Variants in COL15A1 observed in about 807,000 individuals in gnomAD.
The protein encoded by COL15A1 is collagen type XV alpha 1 chain.
COL15A1 carries 111 observed loss-of-function variants against 165.9 expected under a neutral mutation model. The observed-to-expected ratio is 0.67, with a 90% CI of 0.57 to 0.78. The LOEUF (loss-of-function observed/expected upper bound fraction) is 0.78. Among genes scored for constraint, COL15A1 ranks in the 30% least tolerant of loss-of-function variants. The pLI, the probability that COL15A1 is intolerant of heterozygous loss-of-function variation, is 0.00. For missense variants in COL15A1, 1,745 were observed against 1,789.7 expected, an observed-to-expected ratio of 0.98 and a Z score of 0.45; for synonymous variants, 659 against 674.8, an observed-to-expected ratio of 0.98 and a Z score of 0.36.
intron 2 of COL15A1, among the ~76,000 whole-genome samples, chr9:98,964,212 C>T (rs538949925): frequency 1.6e-4 from 25 of 151,562 alleles, no homozygotes; most frequent in African/African-American, 4.1e-4. Flanking sequence ...CCTCCCACCC[C>T]CCCATTCTTG....
chr9:99,030,151 G>C (rs1839194201), intron 16 of COL15A1, among the ~76,000 whole-genome samples: 1 of 152,196 alleles, frequency 6.6e-6, no homozygotes, highest in African/African-American at 2.4e-5. Context: ...ATTCACCACA[G>C]TAAGCCAACA....
In COL15A1 at chr9:99,062,071, G is replaced by A. The variant is rs200568959; in HGVS notation, c.3503G>A (p.Arg1168His). 3.2e-5 allele frequency: 52 copies of A among 1,614,044 alleles called. No homozygotes were observed. The highest frequency in any genetic ancestry group is 1.8e-4 in the East Asian group (8 of 44,886). Reference sequence around the variant, plus strand: ...AGGGACAGCACTGAGTTTTTCATTCGTGTTAGAGATGGCTGGAAAAAATTA... The same window carrying A: ...AGGGACAGCACTGAGTTTTTCATTCATGTTAGAGATGGCTGGAAAAAATTA... ...YLRDSTEFFI[R>H]VRDGWKKLQL... The change falls in exon 37 of 42, where the codon CGT becomes CAT. Residue 1168 changes from arginine to histidine, a missense_variant. Transcript: ENST00000375001.
Position 99,063,042 on chromosome 9 carries a change from C to T in COL15A1, c.3592-8C>T, listed in dbSNP as rs1825840791. 1 of 1,595,710 alleles carries T rather than the reference C, an allele frequency of 6.3e-7. No homozygotes were observed. Among genetic ancestry groups the T allele is most frequent in the South Asian group, 1.1e-5 (1 of 86,960 alleles). On this transcript the variant is annotated splice_polypyrimidine_tract_variant and splice_region_variant and intron_variant, in intron 38 of 41. Transcript: ENST00000375001. The stretch of plus-strand genomic sequence containing the variant: ...CAGAACTGTTTCTTTTCCTCCTTTT[C>T]ATAACAGCCACATCAGCTTCTGCCT...
intron 38 of COL15A1, among the ~76,000 whole-genome samples, chr9:99,062,568 C>T (rs542339939): frequency 1.3e-5 from 2 of 152,304 alleles, no homozygotes; most frequent in African/African-American, 2.4e-5. Flanking sequence ...CTATCTTGGC[C>T]TCAGTTTGTT....
chr9:98,981,406 G>A (rs538761732), intron 2 of COL15A1, among the ~76,000 whole-genome samples: 52 of 152,218 alleles, frequency 3.4e-4, no homozygotes, highest in East Asian at 3.9e-4. Context: ...GCAGTGAGCC[G>A]AGATTGTGCC....
chr9:99,037,037 T>C (rs1295264823), intron 21 of COL15A1, among the ~76,000 whole-genome samples: 1 of 152,212 alleles, frequency 6.6e-6, no homozygotes, highest in Non-Finnish European at 1.5e-5. Context: ...CTTTATGTGC[T>C]CCCTTTAGAT....
chr9:99,054,498 A>C, intron 31 of COL15A1, 78 bp from the exon 32 acceptor site: 1 of 1,465,070 alleles, frequency 6.8e-7, no homozygotes, highest in South Asian at 1.4e-5. Flanking sequence ...CTTAGTTTGA[A>C]AACCTGTCTC....
chr9:99,035,858 G>A (rs114649461), intron 19 of COL15A1, among the ~76,000 whole-genome samples: 9 of 152,100 alleles, frequency 5.9e-5, no homozygotes, highest in Admixed American at 2.6e-4. Flanking sequence ...AAGCGATGCC[G>A]GCTCTCAGGA....
At chr9:99,013,824 T>C (rs7034847) in intron 9 of COL15A1, among the ~76,000 whole-genome samples, 16,305 of 152,156 alleles carry the variant, frequency 0.11, 1,036 homozygotes, top group East Asian at 0.25. Context: ...TCTGAATACT[T>C]TAAGGGGTTT....
intron 2 of COL15A1, among the ~76,000 whole-genome samples, chr9:98,975,552 A>T (rs955066199): frequency 6.6e-6 from 1 of 152,216 alleles, no homozygotes; most frequent in African/African-American, 2.4e-5. Context: ...TTGTTTCTTC[A>T]TGGCTGGGAT....
chr9:99,020,356 T>A (rs376526243), intron 11 of COL15A1, 33 bp from the exon 12 acceptor site: 4 of 1,562,088 alleles, frequency 2.6e-6, no homozygotes, highest in Non-Finnish European at 3.5e-6. Context: ...AAATATGTTG[T>A]GGCCACGTTT....
At chr9:98,996,635 C>T (rs956454258) in intron 5 of COL15A1, among the ~76,000 whole-genome samples, 43 of 152,218 alleles carry the variant, frequency 2.8e-4, no homozygotes, top group African/African-American at 1.0e-3. Context: ...CTGGGCACCT[C>T]CTCTGGCTGA....
chr9:98,948,394 T>C (rs552193056), intron 2 of COL15A1, among the ~76,000 whole-genome samples: 3 of 152,082 alleles, frequency 2.0e-5, no homozygotes, highest in Admixed American at 6.5e-5. Flanking sequence ...GTCAGGAGAT[T>C]GAGACCATCC....
Position 99,035,361 on chromosome 9 carries a change from C to T in COL15A1, c.2232C>T (p.Gly744=), listed in dbSNP as rs147208600. The change falls in exon 19 of 42, where the codon GGC becomes GGT. Residue 744 remains glycine (G), a synonymous_variant. Coordinates refer to ENST00000375001, the MANE Select transcript of COL15A1 (RefSeq NM_001855.5). The part of the protein sequence containing the change: ...TMGLGFEDTE[G]SGSTQLLNEP... ...TGCTCCTTCCCCAGGATACCGAAGG[C>T]TCTGGAAGCACCCAGCTATTGAATG... The T allele has an allele frequency of 6.2e-7, 1 of 1,614,170 alleles. No homozygotes were observed. The highest frequency in any genetic ancestry group is 8.5e-7 in the Non-Finnish European group (1 of 1,180,036).
rs373948255 is a variant in COL15A1, at chr9:98,961,565, C to T, written c.100+17315C>T. Among the ~76,000 whole-genome samples the T allele has an allele frequency of 6.6e-5, 10 of 152,144 alleles. No individual in the cohort carries two copies. In the South Asian group the frequency reaches 1.2e-3, roughly 19 times the overall value. ...TGGAAGAGACAGCCTGAATGTGGCTCGAACACGTTGAGGGAGGAAGGCAGG... is the reference window on the plus strand; with the variant it reads ...TGGAAGAGACAGCCTGAATGTGGCTTGAACACGTTGAGGGAGGAAGGCAGG... On this transcript the variant is annotated intron_variant, in intron 2 of 41. Coordinates refer to ENST00000375001, the MANE Select transcript of COL15A1 (RefSeq NM_001855.5).
chr9:99,015,956 A>C lies in COL15A1; in HGVS notation c.1504-20A>C. On this transcript the variant is annotated intron_variant, in intron 10 of 41. Coordinates refer to ENST00000375001, the MANE Select transcript of COL15A1 (RefSeq NM_001855.5). ...CATGAGCGAGGTGAGGTGGTGCCTTAATGCTGGTTTTGTTTTCAGGGTCCT... is the reference window on the plus strand; with the variant it reads ...CATGAGCGAGGTGAGGTGGTGCCTTCATGCTGGTTTTGTTTTCAGGGTCCT... 1 of 1,610,970 alleles carries C rather than the reference A, an allele frequency of 6.2e-7. No homozygotes were observed. Among genetic ancestry groups the C allele is most frequent in the South Asian group, 1.1e-5 (1 of 90,542 alleles).
chr9:99,036,996 A>G (rs1404661500), intron 21 of COL15A1, among the ~76,000 whole-genome samples: 1 of 152,248 alleles, frequency 6.6e-6, no homozygotes, highest in Non-Finnish European at 1.5e-5. Flanking sequence ...AGAGAAGCCA[A>G]GGATTACACC....
intron 21 of COL15A1, among the ~76,000 whole-genome samples, chr9:99,036,834 C>T (rs916370411): frequency 1.3e-5 from 2 of 152,196 alleles, no homozygotes; most frequent in South Asian, 2.1e-4. Flanking sequence ...GCCAATCAGA[C>T]GGACTTGCCC....
chr9:99,052,478 T>A lies in COL15A1; in HGVS notation c.2950+45T>A, dbSNP rs762008550. On this transcript the variant is annotated intron_variant, in intron 31 of 41. Transcript: ENST00000375001. ...TCATTTGTTTCTCTGGGACATCTCC[T>A]TGAGGAAGATGGTTTTCCTTTGCCC... is the stretch of plus-strand genomic sequence containing the variant. 8 of 1,469,726 alleles carry A rather than the reference T, an allele frequency of 5.4e-6. No homozygotes were observed. In the East Asian group the frequency reaches 1.8e-4, roughly 33 times the overall value. 91.0% of individuals were successfully genotyped at this position (1,469,726 alleles called of 1,614,324 possible).
Sources: gnomAD v4.1 joint callset for allele counts (sites outside exome capture counted in the v4.1 genomes callset) on GRCh38, gnomAD v4.1.1 for gene constraint, MANE v1.5 for transcripts, NCBI Gene and HGNC (gene_info 2026-07-23, HGNC 2026-07-21) for gene names.